The following CCDC85C variants were observed in gnomAD, a reference collection of about 807,000 sequenced individuals.
CCDC85C encodes coiled-coil domain-containing protein 85C.
In CCDC85C, 18 loss-of-function variants were observed where a neutral mutation model predicts 38.3. The ratio of observed to expected loss-of-function variants is 0.47; its 90% CI spans 0.33 to 0.70. CCDC85C has a LOEUF of 0.70. Ranked by LOEUF, CCDC85C falls within the 30% of genes least tolerant of loss-of-function variation. CCDC85C has a pLI of 0.03. For synonymous variants in CCDC85C, 264 were observed against 293.8 expected, an observed-to-expected ratio of 0.90 and a Z score of 1.04; for missense variants, 566 against 621.2, an observed-to-expected ratio of 0.91 and a Z score of 0.94.
chr14:99,532,230 TGTGG>T lies in CCDC85C; in HGVS notation c.867+3781_867+3784del, dbSNP rs554048247. ...AGCTCAGGGCAAGCACCAGGCCACC[TGTGG>T]GTAGTCAGGGAGGGCTGCAGACAGG... is the stretch of plus-strand genomic sequence containing the variant. On this transcript the variant is annotated intron_variant, in intron 2 of 5. Transcript: ENST00000380243. Among the ~76,000 whole-genome samples the T allele has an allele frequency of 2.0e-3, 309 of 152,338 alleles. 3 individuals carry two copies. Among genetic ancestry groups the T allele is most frequent in the African/African-American group, 7.2e-3 (299 of 41,586 alleles).
In CCDC85C at chr14:99,514,368, C is replaced by G. The variant is rs1382173242; in HGVS notation, c.*878G>C. The G allele has an allele frequency of 6.6e-6, 1 of 152,486 alleles. No homozygotes were observed. Among genetic ancestry groups the G allele is most frequent in the Non-Finnish European group, 1.5e-5 (1 of 68,252 alleles). The allele number at this position is 152,486 out of a possible 1,614,324, so 9.4% of individuals were successfully genotyped here. ...GATGCAGCCAGGCCCTGGGGGAGGT[C>G]ACAGCCAACCAGAGCCCCAGCTGTG... is the stretch of plus-strand genomic sequence containing the variant. On this transcript the variant is annotated 3_prime_UTR_variant, in exon 6 of 6. Coordinates refer to ENST00000380243, the MANE Select transcript of CCDC85C (RefSeq NM_001144995.2).
chr14:99,527,578 T>G (rs1330843168), intron 2 of CCDC85C, among the ~76,000 whole-genome samples: 2 of 151,920 alleles, frequency 1.3e-5, no homozygotes, highest in African/African-American at 4.8e-5. Context: ...ACCCAGCAGC[T>G]CCCCAGTCCC....
intron 1 of CCDC85C, among the ~76,000 whole-genome samples, chr14:99,567,899 A>G (rs1438531023): frequency 6.6e-6 from 1 of 152,198 alleles, no homozygotes; most frequent in Non-Finnish European, 1.5e-5. Flanking sequence ...GGGGCTGGGG[A>G]CCTGGATCAC....
chr14:99,508,555 G>C lies in CCDC85C; in HGVS notation c.*6691C>G, dbSNP rs527730984. 1 of 152,596 alleles carries C rather than the reference G, an allele frequency of 6.6e-6. No homozygotes were observed. The highest frequency in any genetic ancestry group is 2.1e-4 in the South Asian group (1 of 4,822). The allele number at this position is 152,596 out of a possible 1,614,324, so 9.5% of individuals were successfully genotyped here. A position where few individuals can be genotyped will look rare whatever the true frequency, so the allele number is the denominator to read the frequency against. ...AGCAGGGCCTGGGAGGCGCAGTAAAGCTGGGCCGTGAGGAAGGGAGGGAAG... is the reference window on the plus strand; with the variant it reads ...AGCAGGGCCTGGGAGGCGCAGTAAACCTGGGCCGTGAGGAAGGGAGGGAAG... On this transcript the variant is annotated 3_prime_UTR_variant, in exon 6 of 6. Transcript: ENST00000380243.
intron 2 of CCDC85C, chr14:99,522,513 G>A: frequency 3.3e-6 from 1 of 305,952 alleles, no homozygotes; most frequent in Non-Finnish European, 6.0e-6. Flanking sequence ...AATGAATGAA[G>A]AAGAGCCAGT....
chr14:99,573,209 C>T (rs578116209), intron 1 of CCDC85C, among the ~76,000 whole-genome samples: 128 of 152,310 alleles, frequency 8.4e-4, no homozygotes, highest in Admixed American at 1.8e-3. Context: ...CTCAGCCTCC[C>T]GCCTAGAGCG....
At position 99,502,501 on chromosome 14, in the gene CCDC85C, CATTA is replaced by C. The variant is rs1896858110; in HGVS notation, c.*12741_*12744del. 6 of 1,403,538 alleles carry C rather than the reference CATTA, an allele frequency of 4.3e-6. No homozygotes were observed. The African/African-American group carries it at 5.8e-5, about 14-fold the overall frequency. 86.9% of individuals were successfully genotyped at this position (1,403,538 alleles called of 1,614,324 possible). A position where few individuals can be genotyped will look rare whatever the true frequency, so the allele number is the denominator to read the frequency against. On this transcript the variant is annotated 3_prime_UTR_variant, in exon 6 of 6. Transcript: ENST00000380243. ...TATGTGAGCAATATTTCAGAAGCAT[CATTA>C]ATTAAATTATCTAATAGTTTCCACT...
At chr14:99,554,314 C>T (rs543555637) in intron 1 of CCDC85C, among the ~76,000 whole-genome samples, 59 of 113,512 alleles carry the variant, frequency 5.2e-4, no homozygotes, top group Admixed American at 1.1e-3. Context: ...CCAGATCCTT[C>T]GTTTCTAGGG....
In CCDC85C at chr14:99,509,634, T is replaced by A. The variant is rs118127859; in HGVS notation, c.*5612A>T. On this transcript the variant is annotated 3_prime_UTR_variant, in exon 6 of 6. Transcript: ENST00000380243. ...GGGGTTTGATGTAGCCTCTCTTGAG[T>A]AGAATAGAACCTGAATTGCTGCTTC... 1.6e-3 allele frequency: 260 copies of A among 164,216 alleles called. No homozygotes were observed. The highest frequency in any genetic ancestry group is 2.6e-3 in the Non-Finnish European group (197 of 74,994). 10.2% of individuals were successfully genotyped at this position (164,216 alleles called of 1,614,324 possible). A position where few individuals can be genotyped will look rare whatever the true frequency, so the allele number is the denominator to read the frequency against.
intron 2 of CCDC85C, among the ~76,000 whole-genome samples, chr14:99,527,029 G>A (rs1219113291): frequency 6.6e-6 from 1 of 152,168 alleles, no homozygotes; most frequent in Non-Finnish European, 1.5e-5. Context: ...GGAGGATGCA[G>A]GACAGGGCAG....
Position 99,507,395 on chromosome 14 carries a change from A to T in CCDC85C, c.*7851T>A. ...AGTTCGAGGTCAGCCTGGGCAACAA[A>T]GTGAGACCCTGTCTAAAAAATTAGC... On this transcript the variant is annotated 3_prime_UTR_variant, in exon 6 of 6. Transcript: ENST00000380243. 1 of 487,522 alleles carries T rather than the reference A, an allele frequency of 2.1e-6. No homozygotes were observed. The highest frequency in any genetic ancestry group is 2.1e-5 in the South Asian group (1 of 46,970). The allele number at this position is 487,522 out of a possible 1,614,324, so 30.2% of individuals were successfully genotyped here.
At chr14:99,577,472 G>A (rs1015656799) in intron 1 of CCDC85C, among the ~76,000 whole-genome samples, 7 of 149,116 alleles carry the variant, frequency 4.7e-5, no homozygotes, top group Admixed American at 1.3e-4. Context: ...TGCTGGGCAC[G>A]CCGCCTCACC....
intron 2 of CCDC85C, among the ~76,000 whole-genome samples, chr14:99,523,675 T>C (rs1452201290): frequency 6.6e-6 from 1 of 152,020 alleles, no homozygotes; most frequent in Non-Finnish European, 1.5e-5. Flanking sequence ...TGGTCCAAGG[T>C]CAGGGAGGGA....
intron 1 of CCDC85C, among the ~76,000 whole-genome samples, chr14:99,599,331 G>A (rs1226097251): frequency 2.6e-5 from 4 of 152,138 alleles, no homozygotes; most frequent in African/African-American, 4.8e-5. Flanking sequence ...GGAGTGGACC[G>A]TGGAGGAGCA....
intron 1 of CCDC85C, among the ~76,000 whole-genome samples, chr14:99,549,318 T>G (rs1429164815): frequency 6.6e-6 from 1 of 152,220 alleles, no homozygotes; most frequent in Non-Finnish European, 1.5e-5. Flanking sequence ...ATTCCTGGGC[T>G]GCATATGGAA....
At position 99,516,277 on chromosome 14, in the gene CCDC85C, C is replaced by T; in HGVS notation, c.1081G>A (p.Val361Ile). ...AVVHAMKVLE[V>I]HENLDRQLQD... ...AGCTGCCGGTCCAGATTCTCGTGTA[C>T]CTCCAGGACCTGAAGGGAACGGGTC... Residue 361 changes from valine (V) to isoleucine (I), a missense_variant, in exon 5 of 6, where the codon GTA (valine) becomes ATA (isoleucine). Physicochemically the swap from Val to Ile is conservative, Grantham distance 29. This residue lies in a region of CCDC85C where 286 missense variants were observed against 276.4 expected (regional missense o/e 1.03). Coordinates refer to ENST00000380243, the MANE Select transcript of CCDC85C (RefSeq NM_001144995.2). This position sits in a 1 kb window ranked among gnomAD's most constrained non-coding sequence, Gnocchi z 5.5. The T allele has an allele frequency of 6.4e-7, 1 of 1,550,844 alleles. No individual in the cohort carries two copies. The highest frequency in any genetic ancestry group is 1.7e-4 in the Middle Eastern group (1 of 5,988).
intron 1 of CCDC85C, among the ~76,000 whole-genome samples, chr14:99,602,468 T>C (rs2055209699): frequency 6.6e-6 from 1 of 152,174 alleles, no homozygotes; most frequent in Admixed American, 6.5e-5. Context: ...GAGGTCATCA[T>C]CTCCATTTCA....
At chr14:99,551,838 C>T (rs1164565846) in intron 1 of CCDC85C, among the ~76,000 whole-genome samples, 1 of 152,192 alleles carries the variant, frequency 6.6e-6, no homozygotes, top group African/African-American at 2.4e-5. Context: ...CAAGCCCCCT[C>T]CCTAGGTCAG....
chr14:99,540,639 G>A (rs1161752088), intron 1 of CCDC85C, among the ~76,000 whole-genome samples: 1 of 152,162 alleles, frequency 6.6e-6, no homozygotes, highest in African/African-American at 2.4e-5. Context: ...GGGGTCCCCT[G>A]GGGTGCTCCC....
Sources: allele counts gnomAD v4.1 joint callset (sites outside exome capture counted in the v4.1 genomes callset), GRCh38; gene constraint gnomAD v4.1.1; regional missense constraint gnomAD v4.1.1; non-coding constraint Gnocchi (gnomAD v3.1); transcripts MANE v1.5; gene names NCBI Gene and HGNC (gene_info 2026-07-23, HGNC 2026-07-21).